HCN2: variants seen among roughly 807,000 people sequenced by gnomAD.
HCN2 encodes the protein potassium/sodium hyperpolarization-activated cyclic nucleotide-gated channel 2.
HCN2 carries 20 observed loss-of-function variants against 52.3 expected under a neutral mutation model. The ratio of observed to expected loss-of-function variants is 0.38; its 90% CI spans 0.27 to 0.56. The LOEUF (loss-of-function observed/expected upper bound fraction) is 0.56. Ranked by LOEUF, HCN2 falls within the 20% of genes least tolerant of loss-of-function variation. The probability of loss-of-function intolerance (pLI) is 0.71; values close to 1 mark genes in which losing one functional copy is unlikely to be tolerated. For missense variants in HCN2, 981 were observed against 1,207.7 expected, an observed-to-expected ratio of 0.81 and a Z score of 2.78; for synonymous variants, 694 against 537.0, an observed-to-expected ratio of 1.29 and a Z score of -4.04.
At chr19:613,681 G>GC (rs1983762489) in intron 6 of HCN2, among the ~76,000 whole-genome samples, 171 bp from the exon 7 acceptor site, 1 of 105,552 alleles carries the variant, frequency 9.5e-6, no homozygotes, top group Non-Finnish European at 2.0e-5. Context: ...GGATGGGGCC[G>GC]GGGATGGGGC....
chr19:609,198 G>A (rs1224029850), intron 4 of HCN2, among the ~76,000 whole-genome samples: 4 of 152,216 alleles, frequency 2.6e-5, no homozygotes, highest in African/African-American at 9.6e-5. Context: ...GTTCCGCTGA[G>A]CTCAGGGCAG....
At chr19:595,173 G>T (rs1982988254) in intron 1 of HCN2, among the ~76,000 whole-genome samples, 5 of 150,108 alleles carry the variant, frequency 3.3e-5, no homozygotes, top group South Asian at 2.1e-4. Flanking sequence ...CTGCACTCCG[G>T]CCCGGGAAAC....
chr19:613,674 TGGGGCC>T (rs1236302849), intron 6 of HCN2, among the ~76,000 whole-genome samples, 172 bp from the exon 7 acceptor site: 6 of 12,142 alleles, frequency 4.9e-4, no homozygotes, highest in Non-Finnish European at 8.0e-4. Context: ...GGGATGGGGA[TGGGGCC>T]GGGGATGGGG....
At chr19:595,146 G>A (rs1419024426) in intron 1 of HCN2, among the ~76,000 whole-genome samples, 1 of 152,122 alleles carries the variant, frequency 6.6e-6, no homozygotes, top group African/African-American at 2.4e-5. Context: ...AGGCTGCAGT[G>A]AGCTATGATC....
At chr19:615,345 TA>T (rs376021003) in intron 7 of HCN2, among the ~76,000 whole-genome samples, 13 of 148,570 alleles carry the variant, frequency 8.8e-5, no homozygotes, top group African/African-American at 1.7e-4. Flanking sequence ...CCGTCTCTAC[TA>T]AAAAAAAAAT....
At chr19:605,329 AGGTGG>A (rs1229113089) in intron 3 of HCN2, 107 bp downstream of exon 3, 1 of 926,482 alleles carries the variant, frequency 1.1e-6, no homozygotes, top group East Asian at 2.9e-5. Context: ...AGCCTTTCAG[AGGTGG>A]GGACCCAGGC....
chr19:614,888 C>T (rs989963985), intron 7 of HCN2, among the ~76,000 whole-genome samples: 20 of 152,136 alleles, frequency 1.3e-4, no homozygotes, highest in African/African-American at 4.8e-4. Flanking sequence ...GCGGCTCATG[C>T]TGCTGTTCGT....
intron 3 of HCN2, among the ~76,000 whole-genome samples, chr19:606,258 A>G (rs10424455): frequency 0.19 from 29,540 of 151,748 alleles, 3,645 homozygotes; most frequent in Admixed American, 0.32. Context: ...CCGCCACCAC[A>G]CCTGGATAAT....
At chr19:614,390 GC>G (rs1428585950) in intron 7 of HCN2, among the ~76,000 whole-genome samples, 14 of 152,278 alleles carry the variant, frequency 9.2e-5, no homozygotes, top group Admixed American at 2.0e-4. Context: ...AGACCCGGGG[GC>G]CCACTCAGAC....
At chr19:596,445 G>A (rs549545592) in intron 1 of HCN2, among the ~76,000 whole-genome samples, 32 of 152,334 alleles carry the variant, frequency 2.1e-4, no homozygotes, top group East Asian at 5.8e-4. Flanking sequence ...GCCTCATCCC[G>A]GCCTCCGGAG....
Position 616,393 on chromosome 19 carries a change from C to A in HCN2, c.2589C>A (p.Arg863=). Residue 863 remains arginine (R), a synonymous_variant, in exon 8 of 8, where the codon CGC becomes CGA. Coordinates refer to ENST00000251287, the MANE Select transcript of HCN2 (RefSeq NM_001194.4). ...GGGCCGCCGCGCCCAGCCCGGACCG[C>A]AGGGACTCGGCCTCACCCGGCGCCG... is the stretch of plus-strand genomic sequence containing the variant. ...AARAAAPSPD[R]RDSASPGAAG... is the part of the protein sequence containing the mutation. 1 of 1,243,062 alleles carries A rather than the reference C, an allele frequency of 8.0e-7. No individual in the cohort carries two copies. Among genetic ancestry groups the A allele is most frequent in the Non-Finnish European group, 1.0e-6 (1 of 987,080 alleles). 77.0% of individuals were successfully genotyped at this position (1,243,062 alleles called of 1,614,324 possible). A position where few individuals can be genotyped will look rare whatever the true frequency, so the allele number is the denominator to read the frequency against.
At chr19:594,529 G>C (rs1982966001) in intron 1 of HCN2, among the ~76,000 whole-genome samples, 2 of 152,188 alleles carry the variant, frequency 1.3e-5, no homozygotes, top group African/African-American at 4.8e-5. Context: ...CGAGAGGACT[G>C]GTCGGGGAGG....
intron 1 of HCN2, among the ~76,000 whole-genome samples, chr19:594,607 C>A (rs146663107): frequency 6.6e-6 from 1 of 152,154 alleles, no homozygotes; most frequent in Non-Finnish European, 1.5e-5. Context: ...AGTGGGTCAG[C>A]GGGAGATCAG....
At position 616,300 on chromosome 19, in the gene HCN2, C is replaced by G. The variant is rs772498800; in HGVS notation, c.2496C>G (p.Pro832=). Residue 832 remains proline, a synonymous_variant, in exon 8 of 8, where the codon CCC becomes CCG. Transcript: ENST00000251287. ...AGCCCTCGCTGCCTCACGGCGCCCCCGGCCCCGCGGCCTCCACACGCCCGG... is the reference window on the plus strand; with the variant it reads ...AGCCCTCGCTGCCTCACGGCGCCCCGGGCCCCGCGGCCTCCACACGCCCGG... ...ASQPSLPHGA[P]GPAASTRPAS... The G allele has an allele frequency of 2.7e-6, 3 of 1,097,068 alleles. No homozygotes were observed. Among genetic ancestry groups the G allele is most frequent in the Non-Finnish European group, 3.3e-6 (3 of 900,206 alleles). 68.0% of individuals were successfully genotyped at this position (1,097,068 alleles called of 1,614,324 possible).
intron 1 of HCN2, 42 bp from the exon 2 acceptor site, chr19:603,502 C>T (rs951400467): frequency 2.1e-5 from 31 of 1,486,456 alleles, no homozygotes; most frequent in African/African-American, 9.7e-5. Flanking sequence ...GCAGGTGCCC[C>T]GGGGAGGCAC....
Position 616,480 on chromosome 19 carries a change from G to A in HCN2, c.*6G>A, listed in dbSNP as rs1600544526. 2 of 1,218,588 alleles carry A rather than the reference G, an allele frequency of 1.6e-6. No homozygotes were observed. Among genetic ancestry groups the A allele is most frequent in the Admixed American group, 4.7e-5 (1 of 21,238 alleles). The allele number at this position is 1,218,588 out of a possible 1,614,324, so 75.5% of individuals were successfully genotyped here. A position where few individuals can be genotyped will look rare whatever the true frequency, so the allele number is the denominator to read the frequency against. ...GCCTCTCGTCCAACTTGTGACCCTC[G>A]CCGACCGCCCCGCGGGCCCAGGCGG... On this transcript the variant is annotated 3_prime_UTR_variant, in exon 8 of 8. Transcript: ENST00000251287.
At chr19:614,260 G>C (rs558420616) in intron 7 of HCN2, among the ~76,000 whole-genome samples, 2 of 152,292 alleles carry the variant, frequency 1.3e-5, no homozygotes, top group African/African-American at 2.4e-5. Flanking sequence ...CTGATTTTCT[G>C]ACCTATTGTC....
At chr19:604,334 G>A (rs1249480375) in intron 2 of HCN2, among the ~76,000 whole-genome samples, 12 of 149,866 alleles carry the variant, frequency 8.0e-5, no homozygotes, top group Admixed American at 6.0e-4. Flanking sequence ...GGCCCCAGGG[G>A]TGGGGCTATG....
In HCN2 at chr19:616,899, C is replaced by T. The variant is rs1377484317; in HGVS notation, c.*425C>T. 6.4e-6 allele frequency: 2 copies of T among 311,300 alleles called. No homozygotes were observed. The highest frequency in any genetic ancestry group is 4.9e-5 in the Admixed American group (1 of 20,310). 19.3% of individuals were successfully genotyped at this position (311,300 alleles called of 1,614,324 possible). On this transcript the variant is annotated 3_prime_UTR_variant, in exon 8 of 8. Transcript: ENST00000251287. ...TTGGCCCGCCGGCTTCCCGCTGCCC[C>T]CATCGCGCTCACGCAATAACCGGCC...
Sources: gnomAD v4.1 joint callset for allele counts (sites outside exome capture counted in the v4.1 genomes callset) on GRCh38, gnomAD v4.1.1 for gene constraint, MANE v1.5 for transcripts, NCBI Gene and HGNC (gene_info 2026-07-23, HGNC 2026-07-21) for gene names.